Variants in ROBO2 observed in about 807,000 individuals in gnomAD.
ROBO2 encodes the protein roundabout guidance receptor 2.
A neutral mutation model predicts 160.8 loss-of-function variants in ROBO2; 53 were observed. That is an observed-to-expected ratio of 0.33 (90% CI 0.26 to 0.41). ROBO2 has a LOEUF of 0.41. ROBO2 is among the 10% of genes least tolerant of loss of function. The probability of loss-of-function intolerance (pLI) is 1.00; values close to 1 mark genes in which losing one functional copy is unlikely to be tolerated. For synonymous variants in ROBO2, 664 were observed against 611.7 expected, an observed-to-expected ratio of 1.09 and a Z score of -1.26; for missense variants, 1,577 against 1,722.4, an observed-to-expected ratio of 0.92 and a Z score of 1.49.
intron 2 of ROBO2, among the ~76,000 whole-genome samples, chr3:77,218,685 T>A (rs1277148249): frequency 6.6e-6 from 1 of 152,210 alleles, no homozygotes; most frequent in Non-Finnish European, 1.5e-5. Flanking sequence ...AATTATACTT[T>A]CCTGTAGAGG....
At chr3:77,382,354 T>A (rs1173855192) in intron 2 of ROBO2, among the ~76,000 whole-genome samples, 1 of 120,728 alleles carries the variant, frequency 8.3e-6, no homozygotes, top group African/African-American at 2.8e-5. Context: ...TCCTTTTTTT[T>A]TTTTTTTTAA....
chr3:76,235,108 A>C (rs962012984), intron 2 of ROBO2, among the ~76,000 whole-genome samples: 1 of 152,282 alleles, frequency 6.6e-6, no homozygotes, highest in East Asian at 1.9e-4. Flanking sequence ...TAGTCTCTAA[A>C]AAGTTATGAT....
chr3:76,137,612 C>CT (rs1370595808), intron 2 of ROBO2, among the ~76,000 whole-genome samples: 172 of 144,596 alleles, frequency 1.2e-3, no homozygotes, highest in South Asian at 1.3e-3. Flanking sequence ...ATCAACTGCA[C>CT]TTTTTTTTTT....
intron 2 of ROBO2, among the ~76,000 whole-genome samples, chr3:76,256,383 G>A (rs953924942): frequency 1.9e-5 from 2 of 103,034 alleles, no homozygotes; most frequent in Admixed American, 1.9e-4. Context: ...CACACGCAAG[G>A]TATGGTTGAG....
At chr3:76,913,573 G>A (rs913929993) in intron 2 of ROBO2, among the ~76,000 whole-genome samples, 4 of 152,112 alleles carry the variant, frequency 2.6e-5, no homozygotes, top group African/African-American at 9.7e-5. Context: ...TATAAATCGA[G>A]TTAAAACCTA....
At chr3:76,288,890 C>G (rs1165046074) in intron 2 of ROBO2, among the ~76,000 whole-genome samples, 1 of 152,048 alleles carries the variant, frequency 6.6e-6, no homozygotes, top group Non-Finnish European at 1.5e-5. Flanking sequence ...TTAATCCAGT[C>G]CACTCTTGAT....
intron 3 of ROBO2, among the ~76,000 whole-genome samples, chr3:77,479,669 T>A (rs1346798149): frequency 6.6e-6 from 1 of 152,272 alleles, no homozygotes; most frequent in East Asian, 1.9e-4. Context: ...TTTATGAAAA[T>A]GTACTCCTGA....
chr3:76,720,835 G>C (rs1226347551), intron 2 of ROBO2, among the ~76,000 whole-genome samples: 1 of 152,160 alleles, frequency 6.6e-6, no homozygotes, highest in East Asian at 1.9e-4. Context: ...TATAATTCTA[G>C]TCATCAAGAG....
At chr3:77,057,929 A>G (rs1559920035) in intron 1 of ROBO2, among the ~76,000 whole-genome samples, 1 of 152,128 alleles carries the variant, frequency 6.6e-6, no homozygotes, top group Non-Finnish European at 1.5e-5. Flanking sequence ...ACCATGACAC[A>G]TGTATACCTA....
At chr3:77,646,056 T>C (rs753804139) in exon 26 of ROBO2, 1 of 1,593,366 alleles carries the variant, frequency 6.3e-7, no homozygotes, top group Non-Finnish European at 8.6e-7. Flanking sequence ...TTCTTTAGAG[T>C]AAATGAGAGG....
At chr3:76,627,607 A>G (rs1171431104) in intron 2 of ROBO2, among the ~76,000 whole-genome samples, 1 of 152,228 alleles carries the variant, frequency 6.6e-6, no homozygotes, top group Non-Finnish European at 1.5e-5. Flanking sequence ...TGCATAAATA[A>G]TAAAATTTAC....
At chr3:77,213,545 A>AT (rs1357093411) in intron 2 of ROBO2, among the ~76,000 whole-genome samples, 1 of 151,972 alleles carries the variant, frequency 6.6e-6, no homozygotes, top group African/African-American at 2.4e-5. Flanking sequence ...GGATTCATTG[A>AT]TTTTTTGAAG....
At chr3:77,189,297 TG>T (rs1173144339) in intron 2 of ROBO2, among the ~76,000 whole-genome samples, 1 of 151,846 alleles carries the variant, frequency 6.6e-6, no homozygotes, top group East Asian at 1.9e-4. Flanking sequence ...GAAGATTATA[TG>T]GAAACTGAAG....
intron 2 of ROBO2, among the ~76,000 whole-genome samples, chr3:77,372,958 T>C (rs1490898736): frequency 6.6e-6 from 1 of 151,766 alleles, no homozygotes; most frequent in Non-Finnish European, 1.5e-5. Flanking sequence ...ATTAAAGCTC[T>C]CTGTTTACAT....
At chr3:77,551,607 C>T (rs918493574) in intron 8 of ROBO2, among the ~76,000 whole-genome samples, 1 of 152,030 alleles carries the variant, frequency 6.6e-6, no homozygotes, top group Non-Finnish European at 1.5e-5. Context: ...GTTTATTTGT[C>T]ACAATTGACA....
intron 2 of ROBO2, among the ~76,000 whole-genome samples, chr3:76,033,415 C>T (rs1313995774): frequency 1.3e-5 from 2 of 152,068 alleles, no homozygotes; most frequent in Middle Eastern, 3.2e-3. Flanking sequence ...CACTGGCTTC[C>T]TGTGTGTCCT....
intron 5 of ROBO2, among the ~76,000 whole-genome samples, chr3:77,494,280 TA>T (rs942523865): frequency 7.2e-4 from 110 of 152,232 alleles, no homozygotes; most frequent in Middle Eastern, 3.4e-3. Context: ...TTCTTTTTTT[TA>T]AAAAAAATTT....
intron 2 of ROBO2, among the ~76,000 whole-genome samples, chr3:76,427,862 CTTAATCAGTCACAT>C (rs1290033484): frequency 3.3e-5 from 5 of 152,098 alleles, no homozygotes; most frequent in Non-Finnish European, 7.4e-5. Flanking sequence ...GCACAAATAT[CTTAATCAGTCACAT>C]TGATTAGTAT....
At chr3:76,596,603 A>G (rs921925919) in intron 2 of ROBO2, among the ~76,000 whole-genome samples, 3 of 152,052 alleles carry the variant, frequency 2.0e-5, no homozygotes, top group Non-Finnish European at 2.9e-5. Context: ...TTCAAAACAA[A>G]TTTTTGCCTC....
Sources: allele counts gnomAD v4.1 joint callset (sites outside exome capture counted in the v4.1 genomes callset), GRCh38; gene constraint gnomAD v4.1.1; transcripts MANE v1.5; gene names NCBI Gene and HGNC (gene_info 2026-07-23, HGNC 2026-07-21).